Variants in CCDC30 observed in about 807,000 individuals in gnomAD.
CCDC30 encodes coiled-coil domain-containing protein 30.
Under a neutral mutation model 100.2 loss-of-function variants are expected in CCDC30, and 70 were observed. The observed-to-expected ratio is 0.70, with a 90% CI of 0.58 to 0.85. The LOEUF (loss-of-function observed/expected upper bound fraction) is 0.85, where lower values mean the gene tolerates loss of function less well. CCDC30 is among the 40% of genes least tolerant of loss of function. The pLI is 0.00. For synonymous variants in CCDC30, 233 were observed against 269.5 expected (o/e 0.86, Z 1.33); for missense variants, 652 against 771.2 (o/e 0.85, Z 1.83).
At chr1:42,640,647 A>G (rs1298308767) in intron 12 of CCDC30, among the ~76,000 whole-genome samples, 1 of 151,680 alleles carries the variant, frequency 6.6e-6, no homozygotes, top group African/African-American at 2.4e-5. Flanking sequence ...TAATTCTAGC[A>G]CTTTGGGAGG....
intron 15 of CCDC30, among the ~76,000 whole-genome samples, chr1:42,646,952 T>C (rs1647936095): frequency 6.6e-6 from 1 of 151,828 alleles, no homozygotes; most frequent in African/African-American, 2.4e-5. Flanking sequence ...ACAAAAAAAT[T>C]AGCTGGGCGT....
upstream of CCDC30, among the ~76,000 whole-genome samples, chr1:42,462,245 T>C (rs1643432712): frequency 6.6e-6 from 1 of 152,108 alleles, no homozygotes; most frequent in African/African-American, 2.4e-5. Flanking sequence ...TGTGTGTGTT[T>C]TAATAGCAAA....
At chr1:42,608,942 G>A (rs72959637) in intron 10 of CCDC30, among the ~76,000 whole-genome samples, 6,458 of 152,110 alleles carry the variant, frequency 0.042, 443 homozygotes, top group African/African-American at 0.14. Flanking sequence ...GCTTTTGACA[G>A]ATTTTACAAT....
At chr1:42,655,515 C>CCAGCCTGGGTGA (rs1336393933), downstream of CCDC30, among the ~76,000 whole-genome samples, 1 of 151,822 alleles carries the variant, frequency 6.6e-6, no homozygotes, top group African/African-American at 2.4e-5. Flanking sequence ...CCAGTGCACT[C>CCAGCCTGGGTGA]CAGCCTGGGT....
chr1:42,578,880 C>CT (rs1384452016), intron 8 of CCDC30, among the ~76,000 whole-genome samples: 3 of 152,176 alleles, frequency 2.0e-5, no homozygotes, highest in African/African-American at 7.2e-5. Flanking sequence ...TACTGGTAAT[C>CT]TGAGTTCTTT....
intron 3 of CCDC30, among the ~76,000 whole-genome samples, chr1:42,484,165 A>G (rs1336938745): frequency 6.6e-6 from 1 of 152,124 alleles, no homozygotes; most frequent in South Asian, 2.1e-4. Context: ...TAAATTTTTT[A>G]TAAGTACATT....
chr1:42,589,523 C>A, intron 10 of CCDC30, 40 bp downstream of exon 14: 1 of 1,550,236 alleles, frequency 6.5e-7, no homozygotes, highest in Non-Finnish European at 8.9e-7. Flanking sequence ...TTTTCCTATT[C>A]CCATTAGTAA....
At chr1:42,540,235 T>C (rs1644985200) in intron 6 of CCDC30, among the ~76,000 whole-genome samples, 1 of 152,148 alleles carries the variant, frequency 6.6e-6, no homozygotes, top group Admixed American at 6.5e-5. Flanking sequence ...TGCTGAGGGA[T>C]TGGGACATAG....
intron 15 of CCDC30, among the ~76,000 whole-genome samples, chr1:42,652,593 A>G (rs1648445598): frequency 6.6e-6 from 1 of 152,242 alleles, no homozygotes; most frequent in Non-Finnish European, 1.5e-5. Flanking sequence ...TATTCATAGC[A>G]GCATTATTCA....
intron 6 of CCDC30, among the ~76,000 whole-genome samples, chr1:42,507,721 C>T (rs1644417208): frequency 1.3e-5 from 2 of 150,634 alleles, no homozygotes; most frequent in Non-Finnish European, 3.0e-5. Context: ...GAGAAAATCA[C>T]TTACTTTTTC....
intron 6 of CCDC30, among the ~76,000 whole-genome samples, chr1:42,554,960 G>C (rs1345232386): frequency 6.6e-6 from 1 of 152,018 alleles, no homozygotes; most frequent in Non-Finnish European, 1.5e-5. Flanking sequence ...TCAGTCTATA[G>C]CCACATTCCC....
rs925260748 is a variant in CCDC30 at position 42,646,298 on chromosome 1, G to A, written c.1835G>A (p.Trp612Ter). The A allele has an allele frequency of 6.5e-7, 1 of 1,540,196 alleles. No homozygotes were observed. The highest frequency in any genetic ancestry group is 8.8e-7 in the Non-Finnish European group (1 of 1,141,754). Residue 612 changes from tryptophan to a stop codon, truncating the protein, a stop_gained, in exon 15 of 17, where the codon TGG becomes TAG. Coordinates refer to ENST00000668663, the Ensembl canonical transcript of CCDC30. LOFTEE classifies it high-confidence loss of function. ...TCAGTTCCTGAGGCCACAGAGAAGT[G>A]GAAACACTCTGAGCAGATGGTAGGA...
chr1:42,589,525 C>G, intron 10 of CCDC30, 42 bp downstream of exon 14: 1 of 1,528,616 alleles, frequency 6.5e-7, no homozygotes, highest in Non-Finnish European at 9.0e-7. Context: ...TTCCTATTCC[C>G]ATTAGTAACA....
intron 6 of CCDC30, among the ~76,000 whole-genome samples, chr1:42,541,792 C>T (rs1329340360): frequency 6.6e-6 from 1 of 152,184 alleles, no homozygotes; most frequent in African/African-American, 2.4e-5. Flanking sequence ...GTGCTTTAGA[C>T]TTAAAGATAG....
At chr1:42,466,004 A>G (rs1240327576) in intron 1 of CCDC30, among the ~76,000 whole-genome samples, 1 of 152,156 alleles carries the variant, frequency 6.6e-6, no homozygotes, top group Non-Finnish European at 1.5e-5. Flanking sequence ...TTACATTGCT[A>G]CAGTGTTTTC....
intron 6 of CCDC30, 50 bp from the exon 10 acceptor site, chr1:42,556,106 A>T: frequency 6.5e-7 from 1 of 1,542,576 alleles, no homozygotes; most frequent in Admixed American, 2.0e-5. Context: ...TCCCGATTCT[A>T]CTACTATAAT....
intron 1 of CCDC30, among the ~76,000 whole-genome samples, chr1:42,472,330 C>T (rs1222297381): frequency 6.6e-6 from 1 of 152,150 alleles, no homozygotes; most frequent in East Asian, 1.9e-4. Context: ...CTTTCATATA[C>T]TGTCATACTG....
At chr1:42,647,989 G>A (rs1167874101) in intron 15 of CCDC30, among the ~76,000 whole-genome samples, 5 of 152,210 alleles carry the variant, frequency 3.3e-5, no homozygotes, top group Admixed American at 6.5e-5. Flanking sequence ...TGCCCAGGTT[G>A]GAGTGCAATG....
rs148208415 is a variant in CCDC30, at chr1:42,555,985, C to T, written c.457-10311C>T. On this transcript the variant is annotated intron_variant, in intron 6 of 16. Transcript: ENST00000668663. Reference sequence around the variant, plus strand: ...GATTACAGGCATGAACCACCATGCCCGGCCGACTTATGTTTTTAAAGTTTA... The same window carrying T: ...GATTACAGGCATGAACCACCATGCCTGGCCGACTTATGTTTTTAAAGTTTA... 5.2e-3 allele frequency among the ~76,000 whole-genome samples: 793 copies of T among 152,218 alleles called. 8 individuals carry two copies. The highest frequency in any genetic ancestry group is 0.018 in the African/African-American group (765 of 41,538).
Sources: allele counts gnomAD v4.1 joint callset (sites outside exome capture counted in the v4.1 genomes callset), GRCh38; gene constraint gnomAD v4.1.1; transcripts MANE v1.5; gene names NCBI Gene and HGNC (gene_info 2026-07-23, HGNC 2026-07-21).